SMARCA1: variants seen among roughly 807,000 people sequenced by gnomAD.
SMARCA1 encodes SWI/SNF-related matrix-associated actin-dependent regulator of chromatin subfamily A member 1.
In SMARCA1, 17 loss-of-function variants were observed where a neutral mutation model predicts 93.6. The observed-to-expected ratio is 0.18, with a 90% confidence interval of 0.12 to 0.27. The LOEUF is 0.27. SMARCA1 is among the 10% of genes least tolerant of loss of function. The probability of loss-of-function intolerance (pLI) is 1.00; values close to 1 mark genes in which losing one functional copy is unlikely to be tolerated. For missense variants in SMARCA1, 630 were observed against 819.0 expected, an observed-to-expected ratio of 0.77 and a Z score of 2.82; for synonymous variants, 271 against 271.4, an observed-to-expected ratio of 1.00 and a Z score of 0.01.
chrX:129,465,388 A>G (rs1932884704), intron 23 of SMARCA1, 132 bp downstream of exon 23: 2 of 464,454 alleles, frequency 4.3e-6, no homozygotes. Flanking sequence ...ATACACATAC[A>G]CACAGAGAGA....
rs770022652 is a variant in SMARCA1, at chrX:129,489,131, C to T, written c.1949-46G>A. The T allele has an allele frequency of 1.6e-5, 14 of 859,523 alleles. No homozygotes were observed. The South Asian group carries it at 3.2e-4, about 20-fold the overall frequency. The allele number at this position is 859,523 out of a possible 1,213,427, so 70.8% of individuals were successfully genotyped here. ...TGTACATATTCAATCAATCATATTC[C>T]AAAGAAGGCATAATCATTCTAATCA... On this transcript the variant is annotated intron_variant, in intron 15 of 24. Coordinates refer to ENST00000371121, the MANE Select transcript of SMARCA1 (RefSeq NM_001282874.2).
intron 7 of SMARCA1, 46 bp from the exon 8 acceptor site, chrX:129,506,257 C>T: frequency 1.1e-6 from 1 of 944,309 alleles, no homozygotes; most frequent in South Asian, 2.2e-5. Context: ...TATTAGAATG[C>T]TCAACATTCA....
At chrX:129,472,195 A>G (rs1033533871) in intron 19 of SMARCA1, among the ~76,000 whole-genome samples, 1 of 112,146 alleles carries the variant, frequency 8.9e-6, no homozygotes, top group Non-Finnish European at 1.9e-5. Context: ...GAAGTCTCTC[A>G]GCCTAAAGCC....
chrX:129,519,502 T>C (rs939977522), intron 1 of SMARCA1, among the ~76,000 whole-genome samples: 7 of 111,742 alleles, frequency 6.3e-5, no homozygotes, highest in Non-Finnish European at 1.3e-4. Context: ...ATGGCCCCCA[T>C]TATGTCTTCC....
At chrX:129,480,237 T>C (rs924730780) in intron 19 of SMARCA1, among the ~76,000 whole-genome samples, 13 of 112,337 alleles carry the variant, frequency 1.2e-4, no homozygotes, top group African/African-American at 3.6e-4. Flanking sequence ...ACTATCATGT[T>C]TATCATTATC....
chrX:129,511,996 C>G lies in SMARCA1; in HGVS notation c.631-13G>C, dbSNP rs200275656. 8.8e-7 allele frequency: 1 copy of G among 1,142,312 alleles called. No individual in the cohort carries two copies. Among genetic ancestry groups the G allele is most frequent in the Non-Finnish European group, 1.2e-6 (1 of 856,978 alleles). The allele number at this position is 1,142,312 out of a possible 1,213,427, so 94.1% of individuals were successfully genotyped here. A position where few individuals can be genotyped will look rare whatever the true frequency, so the allele number is the denominator to read the frequency against. On this transcript the variant is annotated splice_polypyrimidine_tract_variant and intron_variant, in intron 5 of 24. Coordinates refer to ENST00000371121, the MANE Select transcript of SMARCA1 (RefSeq NM_001282874.2). ...TTTTCCCAAGGCCCTGCATTATCAT[C>G]ACAAGGAAAAAAATCCATGAACATT...
intron 9 of SMARCA1, among the ~76,000 whole-genome samples, 188 bp downstream of exon 9, chrX:129,504,546 G>GAAGA (rs1934703363): frequency 8.6e-5 from 1 of 11,570 alleles, no homozygotes; most frequent in Non-Finnish European, 1.3e-4. Context: ...GGACATAGAG[G>GAAGA]AATAAAAAAA....
At chrX:129,448,970 A>G (rs1932147710) in intron 23 of SMARCA1, among the ~76,000 whole-genome samples, 1 of 109,090 alleles carries the variant, frequency 9.2e-6, no homozygotes, top group South Asian at 4.0e-4. Context: ...TGAACTGCAC[A>G]CACACACACA....
At chrX:129,511,208 C>T (rs1015571784) in intron 6 of SMARCA1, among the ~76,000 whole-genome samples, 1 of 111,049 alleles carries the variant, frequency 9.0e-6, no homozygotes, top group African/African-American at 3.3e-5. Flanking sequence ...TTAAACACCC[C>T]CCTAAAATGC....
intron 12 of SMARCA1, among the ~76,000 whole-genome samples, chrX:129,496,220 T>G (rs12837243): frequency 0.12 from 12,044 of 101,053 alleles, 726 homozygotes; most frequent in East Asian, 0.31. Context: ...AGTGTCCCAA[T>G]GTTTAAATTC....
chrX:129,513,880 C>T (rs913556338), intron 5 of SMARCA1, among the ~76,000 whole-genome samples: 1 of 112,105 alleles, frequency 8.9e-6, no homozygotes, highest in Non-Finnish European at 1.9e-5. Flanking sequence ...CTATACTAGA[C>T]GCCATAGGGC....
In SMARCA1 at chrX:129,487,144, G is replaced by A; in HGVS notation, c.2098-7C>T. ...GTTCATTCATCTCTGCAGTCTAAAG[G>A]TGAAAACATTGAAATGAGAAAATTA... is the stretch of plus-strand genomic sequence containing the variant. On this transcript the variant is annotated splice_region_variant and splice_polypyrimidine_tract_variant and intron_variant, in intron 16 of 24. Transcript: ENST00000371121. The A allele has an allele frequency of 1.8e-6, 2 of 1,136,402 alleles. No homozygotes were observed. Among genetic ancestry groups the A allele is most frequent in the Non-Finnish European group, 1.2e-6 (1 of 852,350 alleles). 93.7% of individuals were successfully genotyped at this position (1,136,402 alleles called of 1,213,427 possible).
At chrX:129,497,165 C>G (rs769637985) in intron 11 of SMARCA1, among the ~76,000 whole-genome samples, 1 of 110,947 alleles carries the variant, frequency 9.0e-6, no homozygotes, top group African/African-American at 3.3e-5. Flanking sequence ...AATGATGGGT[C>G]CACAGGCTCT....
chrX:129,496,484 T>C (rs1934331407), intron 12 of SMARCA1, among the ~76,000 whole-genome samples: 1 of 110,284 alleles, frequency 9.1e-6, no homozygotes, highest in Non-Finnish European at 1.9e-5. Context: ...AGGTCAGAGA[T>C]AGGCATGATT....
chrX:129,518,147 T>C (rs925504351), intron 2 of SMARCA1, among the ~76,000 whole-genome samples: 3 of 111,655 alleles, frequency 2.7e-5, no homozygotes, highest in African/African-American at 9.7e-5. Context: ...CTATGACATA[T>C]AGCTTCCCTG....
chrX:129,518,518 T>C (rs1182240267), intron 1 of SMARCA1, 71 bp from the exon 2 acceptor site: 2 of 598,884 alleles, frequency 3.3e-6, no homozygotes, highest in African/African-American at 4.6e-5. Flanking sequence ...ATGCTCTCAT[T>C]AGAAGAAGGC....
At chrX:129,520,932 C>T (rs1024303890) in intron 1 of SMARCA1, among the ~76,000 whole-genome samples, 2 of 111,892 alleles carry the variant, frequency 1.8e-5, no homozygotes, top group African/African-American at 6.5e-5. Context: ...GGTTGGAGTG[C>T]AGTGGTGGGA....
chrX:129,521,019 A>G (rs1602745089), intron 1 of SMARCA1, among the ~76,000 whole-genome samples: 1 of 108,205 alleles, frequency 9.2e-6, no homozygotes, highest in Non-Finnish European at 1.9e-5. Flanking sequence ...CTGGGATTAC[A>G]GGTGCCTGCC....
intron 5 of SMARCA1, 25 bp downstream of exon 5, chrX:129,515,662 G>T: frequency 1.0e-6 from 1 of 998,151 alleles, no homozygotes; most frequent in Non-Finnish European, 1.4e-6. Context: ...AACTGAGAAT[G>T]TGTTTTTAGC....
Sources: allele counts gnomAD v4.1 joint callset (sites outside exome capture counted in the v4.1 genomes callset), GRCh38; gene constraint gnomAD v4.1.1; transcripts MANE v1.5; gene names NCBI Gene and HGNC (gene_info 2026-07-23, HGNC 2026-07-21).